Variants in NSMCE2 observed in about 807,000 individuals in gnomAD.
The protein encoded by NSMCE2 is E3 SUMO-protein ligase NSE2.
Under a neutral mutation model 23.8 loss-of-function variants are expected in NSMCE2, and 24 were observed. That is an observed-to-expected ratio of 1.01 (90% CI 0.73 to 1.42). The LOEUF (loss-of-function observed/expected upper bound fraction) is 1.42, where lower values mean the gene tolerates loss of function less well. NSMCE2 is among the 40% of genes most tolerant of loss of function. The probability of loss-of-function intolerance (pLI) is 0.00; values close to 1 mark genes in which losing one functional copy is unlikely to be tolerated. For missense variants in NSMCE2, 284 were observed against 296.5 expected (o/e 0.96, Z 0.31); for synonymous variants, 92 against 94.1 (o/e 0.98, Z 0.13).
intron 5 of NSMCE2, among the ~76,000 whole-genome samples, chr8:125,267,456 G>A (rs1345469779): frequency 6.6e-6 from 1 of 152,202 alleles, no homozygotes; most frequent in African/African-American, 2.4e-5. Context: ...AGACAGTCAG[G>A]ACCAAACTGC....
chr8:125,114,290 G>A (rs1818893941), intron 3 of NSMCE2, among the ~76,000 whole-genome samples: 2 of 152,144 alleles, frequency 1.3e-5, no homozygotes, highest in Non-Finnish European at 2.9e-5. Context: ...TGTATGCTCT[G>A]TGACAGCAGG....
At chr8:125,232,317 C>T (rs1356962306) in intron 5 of NSMCE2, among the ~76,000 whole-genome samples, 1 of 151,782 alleles carries the variant, frequency 6.6e-6, no homozygotes, top group East Asian at 1.9e-4. Flanking sequence ...GAGCCGAGAT[C>T]GTGCCATTGC....
At chr8:125,200,520 G>A (rs1195661145) in intron 5 of NSMCE2, among the ~76,000 whole-genome samples, 2 of 152,204 alleles carry the variant, frequency 1.3e-5, no homozygotes, top group Non-Finnish European at 2.9e-5. Context: ...CTTCTGGCTT[G>A]TAAGATTTCT....
chr8:125,321,030 A>C (rs924291387), intron 5 of NSMCE2, among the ~76,000 whole-genome samples: 1 of 152,206 alleles, frequency 6.6e-6, no homozygotes, highest in African/African-American at 2.4e-5. Flanking sequence ...CAAGAACTCT[A>C]TCATGAGAAC....
At chr8:125,283,875 C>T (rs928771982) in intron 5 of NSMCE2, among the ~76,000 whole-genome samples, 11 of 151,926 alleles carry the variant, frequency 7.2e-5, no homozygotes, top group Non-Finnish European at 2.9e-5. Context: ...TCAAGTAGGC[C>T]GGGCGCAGTG....
At chr8:125,107,188 C>CTTT (rs71295817) in intron 3 of NSMCE2, among the ~76,000 whole-genome samples, 9,588 of 119,912 alleles carry the variant, frequency 0.08, 737 homozygotes, top group African/African-American at 0.14. Flanking sequence ...CAAGGACATT[C>CTTT]TTTTTTTTTT....
chr8:125,213,609 CCTCTT>C (rs201921623), intron 5 of NSMCE2, among the ~76,000 whole-genome samples: 1,713 of 136,140 alleles, frequency 0.013, 19 homozygotes, highest in Non-Finnish European at 0.018. Flanking sequence ...CCTTTCCTTT[CCTCTT>C]CTCTTATTTT....
chr8:125,097,379 C>G (rs1476668707), intron 1 of NSMCE2, among the ~76,000 whole-genome samples: 1 of 152,188 alleles, frequency 6.6e-6, no homozygotes, highest in African/African-American at 2.4e-5. Flanking sequence ...GCTGTCTACA[C>G]TATATTCCCA....
chr8:125,174,873 A>C (rs1822401391), intron 4 of NSMCE2, among the ~76,000 whole-genome samples: 2 of 152,220 alleles, frequency 1.3e-5, no homozygotes, highest in African/African-American at 4.8e-5. Flanking sequence ...TAGGAAACAC[A>C]CTCAGCTACA....
chr8:125,282,326 C>G (rs906175133), intron 5 of NSMCE2, among the ~76,000 whole-genome samples: 5 of 152,108 alleles, frequency 3.3e-5, no homozygotes, highest in African/African-American at 1.2e-4. Flanking sequence ...GTTGGCCAGG[C>G]TCGTCTCGAA....
At chr8:125,349,219 A>G (rs1336532664) in intron 5 of NSMCE2, among the ~76,000 whole-genome samples, 1 of 152,226 alleles carries the variant, frequency 6.6e-6, no homozygotes, top group East Asian at 1.9e-4. Flanking sequence ...GCACAGATAC[A>G]TACTCACATG....
At chr8:125,345,407 A>G (rs914268289) in intron 5 of NSMCE2, among the ~76,000 whole-genome samples, 1 of 152,178 alleles carries the variant, frequency 6.6e-6, no homozygotes, top group African/African-American at 2.4e-5. Context: ...CACTATTTTC[A>G]TCTTTTTATT....
intron 5 of NSMCE2, among the ~76,000 whole-genome samples, chr8:125,259,606 G>A (rs866795722): frequency 2.0e-5 from 3 of 152,186 alleles, no homozygotes; most frequent in East Asian, 1.9e-4. Flanking sequence ...CTGCAGTAGC[G>A]TACTTGCTTG....
rs145011022 is a variant in NSMCE2 at position 125,248,305 on chromosome 8, A to G, written c.418+66049A>G. On this transcript the variant is annotated intron_variant, in intron 5 of 7. Transcript: ENST00000287437. Reference sequence around the variant, plus strand: ...TTCTGAGACAATAAAGACAAAAGCAATTGCTTCAAACTTGCAAGCATTCAG... The same window carrying G: ...TTCTGAGACAATAAAGACAAAAGCAGTTGCTTCAAACTTGCAAGCATTCAG... Among the ~76,000 whole-genome samples the G allele has an allele frequency of 6.3e-3, 965 of 152,326 alleles. 12 individuals are homozygous for G. The highest frequency in any genetic ancestry group is 0.02 in the African/African-American group (841 of 41,576).
At chr8:125,178,067 A>G (rs761402413) in intron 4 of NSMCE2, among the ~76,000 whole-genome samples, 1 of 152,194 alleles carries the variant, frequency 6.6e-6, no homozygotes, top group African/African-American at 2.4e-5. Context: ...CCCCTCTGCC[A>G]TTAGTTAACA....
At chr8:125,172,887 C>G (rs1191851218) in intron 4 of NSMCE2, among the ~76,000 whole-genome samples, 1 of 152,156 alleles carries the variant, frequency 6.6e-6, no homozygotes, top group Non-Finnish European at 1.5e-5. Context: ...AGATTTTTAT[C>G]TGACTGACGT....
intron 4 of NSMCE2, among the ~76,000 whole-genome samples, chr8:125,157,003 T>G (rs1412109772): frequency 6.6e-6 from 1 of 152,170 alleles, no homozygotes; most frequent in Non-Finnish European, 1.5e-5. Context: ...AGCTAATAAT[T>G]TATTCTATGG....
chr8:125,189,901 C>T (rs2130823995), intron 5 of NSMCE2, among the ~76,000 whole-genome samples: 1 of 152,286 alleles, frequency 6.6e-6, no homozygotes, highest in East Asian at 1.9e-4. Flanking sequence ...TTAAGTGTGA[C>T]TGCTTAGAAC....
At chr8:125,236,388 T>C (rs1293102225) in intron 5 of NSMCE2, among the ~76,000 whole-genome samples, 1 of 152,164 alleles carries the variant, frequency 6.6e-6, no homozygotes, top group Non-Finnish European at 1.5e-5. Flanking sequence ...TATCATATGA[T>C]CCCATACATG....
Sources: gnomAD v4.1 joint callset for allele counts (sites outside exome capture counted in the v4.1 genomes callset) on GRCh38, gnomAD v4.1.1 for gene constraint, MANE v1.5 for transcripts, NCBI Gene and HGNC (gene_info 2026-07-23, HGNC 2026-07-21) for gene names.